Variants in PDE3A observed in about 807,000 individuals in gnomAD.
PDE3A encodes cGMP-inhibited 3',5'-cyclic phosphodiesterase 3A.
Under a neutral mutation model 98.3 loss-of-function variants are expected in PDE3A, and 43 were observed. That is an observed-to-expected ratio of 0.44 (90% CI 0.34 to 0.56). The LOEUF is 0.56. Among genes scored for constraint, PDE3A ranks in the 20% least tolerant of loss-of-function variants. PDE3A has a pLI of 0.01. For synonymous variants in PDE3A, 663 were observed against 567.9 expected (o/e 1.17, Z -2.38); for missense variants, 1,427 against 1,440.7 (o/e 0.99, Z 0.15).
Position 20,369,782 on chromosome 12 carries a change from C to T in PDE3A, c.498C>T (p.Ala166=), listed in dbSNP as rs1018356173. The T allele has an allele frequency of 3.7e-6, 6 of 1,612,594 alleles. No individual in the cohort carries two copies. The highest frequency in any genetic ancestry group is 1.7e-4 in the Middle Eastern group (1 of 6,060). The part of the protein sequence containing the change: ...RLPLAVALLA[A]CCGGEALVQI... ...CTCTGGCTGTCGCGCTGCTGGCCGC[C>T]TGCTGCGGGGGGGAAGCGCTCGTCC... Residue 166 remains alanine (A), a synonymous_variant, in exon 1 of 16, where the codon GCC becomes GCT. Transcript: ENST00000359062.
At chr12:20,376,405 A>G (rs1296319756) in intron 1 of PDE3A, among the ~76,000 whole-genome samples, 1 of 151,862 alleles carries the variant, frequency 6.6e-6, no homozygotes, top group Non-Finnish European at 1.5e-5. Flanking sequence ...AATTTTTCCC[A>G]TGGAGCCAAC....
chr12:20,564,009 G>A (rs1426719915), intron 2 of PDE3A, among the ~76,000 whole-genome samples: 1 of 152,036 alleles, frequency 6.6e-6, no homozygotes, highest in African/African-American at 2.4e-5. Context: ...TATCATAGTA[G>A]GGATATTGCT....
intron 1 of PDE3A, among the ~76,000 whole-genome samples, chr12:20,520,040 G>C (rs953470778): frequency 6.6e-6 from 1 of 152,144 alleles, no homozygotes; most frequent in African/African-American, 2.4e-5. Flanking sequence ...TATTCAGTGA[G>C]GGTACTAAGC....
chr12:20,558,193 A>G (rs1403330356), intron 2 of PDE3A, among the ~76,000 whole-genome samples: 1 of 149,090 alleles, frequency 6.7e-6, no homozygotes, highest in Non-Finnish European at 1.5e-5. Context: ...CACTATGTCA[A>G]TATAAATTGA....
At chr12:20,492,082 G>A (rs1945836117) in intron 1 of PDE3A, among the ~76,000 whole-genome samples, 1 of 152,060 alleles carries the variant, frequency 6.6e-6, no homozygotes, top group South Asian at 2.1e-4. Context: ...CCACGTTGAA[G>A]CTATTCTTAT....
chr12:20,443,722 A>T (rs909939922), intron 1 of PDE3A, among the ~76,000 whole-genome samples: 2 of 152,078 alleles, frequency 1.3e-5, no homozygotes, highest in Non-Finnish European at 2.9e-5. Context: ...ATCATAAAAA[A>T]CCCTACTTCC....
chr12:20,428,976 A>T (rs1459627032), intron 1 of PDE3A, among the ~76,000 whole-genome samples: 1 of 152,220 alleles, frequency 6.6e-6, no homozygotes, highest in Non-Finnish European at 1.5e-5. Context: ...GAAATTTTAT[A>T]TTTCACAAAT....
intron 1 of PDE3A, among the ~76,000 whole-genome samples, chr12:20,417,497 A>G (rs1483714140): frequency 3.9e-5 from 6 of 152,182 alleles, no homozygotes; most frequent in Admixed American, 3.9e-4. Flanking sequence ...TTTATAAATA[A>G]AAATTATGGT....
At chr12:20,605,041 T>C (rs998138235) in intron 2 of PDE3A, among the ~76,000 whole-genome samples, 8 of 152,224 alleles carry the variant, frequency 5.3e-5, no homozygotes, top group Non-Finnish European at 1.2e-4. Context: ...AATACATTCT[T>C]AGGCTCTCAC....
Position 20,684,254 on chromosome 12 carries a change from T to A in PDE3A, c.*3983T>A, listed in dbSNP as rs1439922125. 6.6e-6 allele frequency: 1 copy of A among 152,118 alleles called. No homozygotes were observed. Among genetic ancestry groups the A allele is most frequent in the African/African-American group, 2.4e-5 (1 of 41,444 alleles). The allele number at this position is 152,118 out of a possible 1,614,324, so 9.4% of individuals were successfully genotyped here. Reference sequence around the variant, plus strand: ...CATTGTCCTCATCATTTATAGTACTTCTAAAATAATAATGGAAACCTCAAT... The same window carrying A: ...CATTGTCCTCATCATTTATAGTACTACTAAAATAATAATGGAAACCTCAAT... On this transcript the variant is annotated 3_prime_UTR_variant, in exon 16 of 16. Transcript: ENST00000359062.
intron 1 of PDE3A, among the ~76,000 whole-genome samples, chr12:20,550,202 A>G (rs1345968959): frequency 6.6e-6 from 1 of 152,114 alleles, no homozygotes; most frequent in Non-Finnish European, 1.5e-5. Context: ...TTGTGATAGG[A>G]GAATTTACCA....
At chr12:20,600,423 T>C (rs918838404) in intron 2 of PDE3A, among the ~76,000 whole-genome samples, 5 of 152,164 alleles carry the variant, frequency 3.3e-5, no homozygotes, top group African/African-American at 1.2e-4. Context: ...TTATTGCCCT[T>C]ACTAGTTAAT....
At chr12:20,574,581 C>T (rs1277306082) in intron 2 of PDE3A, among the ~76,000 whole-genome samples, 1 of 151,932 alleles carries the variant, frequency 6.6e-6, no homozygotes, top group Non-Finnish European at 1.5e-5. Flanking sequence ...TAGCTTTCAT[C>T]ATTATCATTA....
chr12:20,523,490 G>C (rs911342205), intron 1 of PDE3A, among the ~76,000 whole-genome samples: 1 of 152,042 alleles, frequency 6.6e-6, no homozygotes, highest in African/African-American at 2.4e-5. Flanking sequence ...CAAATTCTTT[G>C]GTCTGCAGAG....
chr12:20,677,510 AGTGCAGTGGCAC>A (rs1945672326), intron 15 of PDE3A, among the ~76,000 whole-genome samples: 1 of 151,934 alleles, frequency 6.6e-6, no homozygotes, highest in Non-Finnish European at 1.5e-5. Context: ...CCCAGGCTGG[AGTGCAGTGGCAC>A]CATCTTGGCT....
chr12:20,635,348 C>T lies in PDE3A; in HGVS notation c.2001+292C>T, dbSNP rs555178526. Among the ~76,000 whole-genome samples, 12 of 152,092 alleles carry T rather than the reference C, an allele frequency of 7.9e-5. No homozygotes were observed. The East Asian group carries it at 1.7e-3, about 22-fold the overall frequency. On this transcript the variant is annotated intron_variant, in intron 8 of 15. Transcript: ENST00000359062. ...TTGGGAGGCCAAGGCGGGAGTATCA[C>T]GAGGTCAGCAATGAGTTCAAGACCA...
At chr12:20,442,529 C>A (rs867437831) in intron 1 of PDE3A, among the ~76,000 whole-genome samples, 1 of 152,258 alleles carries the variant, frequency 6.6e-6, no homozygotes. Context: ...TCACTGACCT[C>A]GCATGGCCTC....
intron 1 of PDE3A, among the ~76,000 whole-genome samples, chr12:20,489,569 C>T (rs1347991022): frequency 6.6e-6 from 1 of 152,166 alleles, no homozygotes; most frequent in Non-Finnish European, 1.5e-5. Flanking sequence ...TCAGTCTCTA[C>T]AGAGGAGGGG....
chr12:20,397,248 C>G (rs1284295579), intron 1 of PDE3A, among the ~76,000 whole-genome samples: 1 of 151,948 alleles, frequency 6.6e-6, no homozygotes, highest in Non-Finnish European at 1.5e-5. Flanking sequence ...CTATATATGT[C>G]TCTCTATATG....
Sources: gnomAD v4.1 joint callset for allele counts (sites outside exome capture counted in the v4.1 genomes callset) on GRCh38, gnomAD v4.1.1 for gene constraint, MANE v1.5 for transcripts, NCBI Gene and HGNC (gene_info 2026-07-23, HGNC 2026-07-21) for gene names.